The following NDUFA12 variants were observed in gnomAD, a reference collection of about 807,000 sequenced individuals.
NDUFA12 encodes NADH dehydrogenase [ubiquinone] 1 alpha subcomplex subunit 12.
A neutral mutation model predicts 20.3 loss-of-function variants in NDUFA12; 17 were observed. The observed-to-expected ratio is 0.84, with a 90% CI of 0.57 to 1.26. The LOEUF (loss-of-function observed/expected upper bound fraction) is 1.26, where lower values mean the gene tolerates loss of function less well. Ranked by LOEUF, NDUFA12 falls within the 50% of genes most tolerant of loss-of-function variation. NDUFA12 has a pLI of 0.00. For synonymous variants in NDUFA12, 72 were observed against 63.6 expected (o/e 1.13, Z -0.63); for missense variants, 191 against 183.7 (o/e 1.04, Z -0.23).
rs1167514268 is a variant in NDUFA12 at position 95,003,656 on chromosome 12, G to A, written c.25C>T (p.Arg9Cys). The change falls in exon 1 of 4, where the codon CGC becomes TGC. Residue 9 changes from arginine (R) to cysteine (C), a missense_variant. By Grantham distance (180) the Arg-to-Cys change is radical (BLOSUM62 -3). Coordinates refer to ENST00000327772, the MANE Select transcript of NDUFA12 (RefSeq NM_018838.5). MELVQVLK[R>C]GLQQITGHGG... Reference sequence around the variant, plus strand: ...TGGCCGGTGATCTGCTGCAGCCCGCGTTTCAGGACCTGCACTAACTCCATC... The same window carrying A: ...TGGCCGGTGATCTGCTGCAGCCCGCATTTCAGGACCTGCACTAACTCCATC... 18 of 1,614,032 alleles carry A rather than the reference G, an allele frequency of 1.1e-5. No individual in the cohort carries two copies. Among genetic ancestry groups the A allele is most frequent in the African/African-American group, 1.3e-5 (1 of 74,918 alleles).
intron 3 of NDUFA12, among the ~76,000 whole-genome samples, chr12:94,974,116 C>T (rs1038051700): frequency 1.3e-5 from 2 of 151,736 alleles, no homozygotes; most frequent in Admixed American, 6.6e-5. Context: ...GGATTACAGG[C>T]GCATGCCATC....
At chr12:94,995,520 CTTTA>C (rs779716684) in intron 2 of NDUFA12, among the ~76,000 whole-genome samples, 12 of 152,044 alleles carry the variant, frequency 7.9e-5, no homozygotes, top group Admixed American at 4.6e-4. Flanking sequence ...AGAAATTCAA[CTTTA>C]TTTATTTATT....
chr12:94,982,040 CA>C (rs1874257042), intron 3 of NDUFA12, among the ~76,000 whole-genome samples: 1 of 152,082 alleles, frequency 6.6e-6, no homozygotes, highest in Non-Finnish European at 1.5e-5. Flanking sequence ...AAATTCTATC[CA>C]AAACGCTAAT....
intron 2 of NDUFA12, chr12:94,997,566 A>T (rs1472416647): frequency 6.6e-6 from 1 of 152,156 alleles, no homozygotes; most frequent in African/African-American, 2.4e-5. Flanking sequence ...ACAAATGCAC[A>T]TGGGAGAAAA....
In NDUFA12 at chr12:94,996,955, C is replaced by T. The variant is rs140994445; in HGVS notation, c.170-2698G>A. ...TTAAGTCTCTTTGGTAAAGATACTTCCTTGGGCCTCAGTTTCTTCATCTAT... is the reference window on the plus strand; with the variant it reads ...TTAAGTCTCTTTGGTAAAGATACTTTCTTGGGCCTCAGTTTCTTCATCTAT... On this transcript the variant is annotated intron_variant, in intron 2 of 3. Transcript: ENST00000327772. 196 of 400,418 alleles carry T rather than the reference C, an allele frequency of 4.9e-4. 1 individual carries two copies. The highest frequency in any genetic ancestry group is 3.9e-3 in the African/African-American group (183 of 47,492). 24.8% of individuals were successfully genotyped at this position (400,418 alleles called of 1,614,324 possible). A position where few individuals can be genotyped will look rare whatever the true frequency, so the allele number is the denominator to read the frequency against.
chr12:94,979,506 G>A (rs1874166450), intron 3 of NDUFA12, among the ~76,000 whole-genome samples: 1 of 152,006 alleles, frequency 6.6e-6, no homozygotes, highest in Non-Finnish European at 1.5e-5. Context: ...AAGTAAAATG[G>A]AGTATGGTTA....
intron 3 of NDUFA12, among the ~76,000 whole-genome samples, chr12:94,987,959 G>A (rs1222139817): frequency 6.6e-6 from 1 of 152,038 alleles, no homozygotes; most frequent in Non-Finnish European, 1.5e-5. Flanking sequence ...TGAGGTCAAG[G>A]GAAATCTGCA....
intron 2 of NDUFA12, among the ~76,000 whole-genome samples, chr12:94,995,278 C>T (rs11107852): frequency 0.028 from 4,277 of 152,282 alleles, 91 homozygotes; most frequent in Non-Finnish European, 0.046. Flanking sequence ...ACATTTACTG[C>T]TTCATTTAGA....
At chr12:94,976,196 T>C (rs1453349779) in intron 3 of NDUFA12, among the ~76,000 whole-genome samples, 1 of 152,192 alleles carries the variant, frequency 6.6e-6, no homozygotes, top group Non-Finnish European at 1.5e-5. Flanking sequence ...ACCTATTTGA[T>C]CCTTATAACA....
chr12:94,976,846 T>C (rs1442986145), intron 3 of NDUFA12, among the ~76,000 whole-genome samples: 1 of 152,214 alleles, frequency 6.6e-6, no homozygotes, highest in East Asian at 1.9e-4. Flanking sequence ...TATTTCCACA[T>C]TCCACATATG....
intron 2 of NDUFA12, among the ~76,000 whole-genome samples, chr12:94,998,513 T>C (rs923799203): frequency 1.3e-5 from 2 of 152,098 alleles, no homozygotes; most frequent in African/African-American, 4.8e-5. Flanking sequence ...ATAAAGTGCA[T>C]CCAAATTTAA....
At chr12:94,990,729 C>A (rs1232346209) in intron 3 of NDUFA12, among the ~76,000 whole-genome samples, 1 of 152,110 alleles carries the variant, frequency 6.6e-6, no homozygotes, top group Non-Finnish European at 1.5e-5. Flanking sequence ...CCACACCAAG[C>A]CCCAGTGAGC....
chr12:94,998,651 T>C (rs1354434145), intron 2 of NDUFA12, among the ~76,000 whole-genome samples: 1 of 152,172 alleles, frequency 6.6e-6, no homozygotes, highest in Non-Finnish European at 1.5e-5. Context: ...ACTAAATCAA[T>C]GTATACAAAT....
intron 3 of NDUFA12, among the ~76,000 whole-genome samples, chr12:94,973,021 C>T (rs1366536807): frequency 1.4e-5 from 2 of 144,190 alleles, no homozygotes; most frequent in African/African-American, 5.2e-5. Flanking sequence ...AACTGCAGCC[C>T]GGGGGTGGGG....
At chr12:94,986,042 G>A (rs1874425813) in intron 3 of NDUFA12, among the ~76,000 whole-genome samples, 2 of 151,776 alleles carry the variant, frequency 1.3e-5, no homozygotes, top group African/African-American at 2.4e-5. Context: ...CTGGGATCAC[G>A]TCACTGCATC....
chr12:94,991,726 C>CAAAAA (rs367869799), intron 3 of NDUFA12, among the ~76,000 whole-genome samples: 4 of 113,138 alleles, frequency 3.5e-5, no homozygotes, highest in East Asian at 2.5e-4. Context: ...GACGCTATCT[C>CAAAAA]AAAAAAAAAA....
intron 3 of NDUFA12, among the ~76,000 whole-genome samples, chr12:94,985,271 G>A (rs1874388003): frequency 6.6e-6 from 1 of 151,986 alleles, no homozygotes; most frequent in African/African-American, 2.4e-5. Context: ...GCTGCAGTAA[G>A]CCATGGTCAC....
At chr12:94,985,390 C>A (rs1298446031) in intron 3 of NDUFA12, among the ~76,000 whole-genome samples, 3 of 151,552 alleles carry the variant, frequency 2.0e-5, no homozygotes, top group Non-Finnish European at 4.4e-5. Context: ...GTTGGGAGGC[C>A]GAGGTGGGTG....
chr12:95,003,695 C>A lies in NDUFA12; in HGVS notation c.-15G>T, dbSNP rs370952116. The A allele has an allele frequency of 2.2e-5, 35 of 1,613,832 alleles. No individual in the cohort carries two copies. The highest frequency in any genetic ancestry group is 1.6e-4 in the Middle Eastern group (1 of 6,084). ...ACTAACTCCATCTTGCCTCGCTGGC[C>A]CCGCCTCCCGGGTGCGCCGAGCAAA... On this transcript the variant is annotated 5_prime_UTR_variant, in exon 1 of 4. Transcript: ENST00000327772.
Sources: allele counts gnomAD v4.1 joint callset (sites outside exome capture counted in the v4.1 genomes callset), GRCh38; gene constraint gnomAD v4.1.1; transcripts MANE v1.5; gene names NCBI Gene and HGNC (gene_info 2026-07-23, HGNC 2026-07-21).